The following MYLK variants were observed in gnomAD, a reference collection of about 807,000 sequenced individuals.
The protein encoded by MYLK is myosin light chain kinase.
A neutral mutation model predicts 203.4 loss-of-function variants in MYLK; 106 were observed. The observed-to-expected ratio is 0.52, with a 90% CI of 0.45 to 0.61. The LOEUF is 0.61. Ranked by LOEUF, MYLK falls within the 20% of genes least tolerant of loss-of-function variation. The pLI, the probability that MYLK is intolerant of heterozygous loss-of-function variation, is 0.00. For missense variants in MYLK, 2,072 were observed against 2,442.3 expected (o/e 0.85, Z 3.20); for synonymous variants, 867 against 959.5 (o/e 0.90, Z 1.78).
intron 3 of MYLK, among the ~76,000 whole-genome samples, chr3:123,827,837 C>A (rs1385325473): frequency 6.9e-6 from 1 of 145,702 alleles, no homozygotes; most frequent in African/African-American, 2.5e-5. Flanking sequence ...AGTAGCATTT[C>A]TACACACAAG....
At chr3:123,833,733 T>C (rs555680474) in intron 2 of MYLK, among the ~76,000 whole-genome samples, 171 of 152,252 alleles carry the variant, frequency 1.1e-3, no homozygotes, top group Non-Finnish European at 2.2e-3. Flanking sequence ...TAAAAGCTGA[T>C]AATATGGGTG....
chr3:123,819,509 CTG>C (rs1015121163), intron 3 of MYLK, among the ~76,000 whole-genome samples: 1 of 152,204 alleles, frequency 6.6e-6, no homozygotes, highest in Non-Finnish European at 1.5e-5. Context: ...AGGTATGAAA[CTG>C]TGGCAGGTTA....
chr3:123,718,364 T>C (rs2061976018), intron 13 of MYLK, among the ~76,000 whole-genome samples: 2 of 152,206 alleles, frequency 1.3e-5, no homozygotes, highest in African/African-American at 4.8e-5. Flanking sequence ...GATCCCTCCC[T>C]GCAGGGAGCT....
At chr3:123,693,413 T>C (rs556710834) in intron 18 of MYLK, 4 of 120,074 alleles carry the variant, frequency 3.3e-5, no homozygotes, top group African/African-American at 6.6e-5. Context: ...GGAAGATCTG[T>C]TGGGAGGTGG....
At position 123,884,325 on chromosome 3, in the gene MYLK, G is replaced by A. The variant is rs1224248018; in HGVS notation, c.-305C>T. On this transcript the variant is annotated 5_prime_UTR_variant, in exon 1 of 34. Transcript: ENST00000360304. ...GCCCTGCTGCCGACCGGGCGGCGCGGGGAGCCCGCGAGGCGCGTCCGGGAC... is the reference window on the plus strand; with the variant it reads ...GCCCTGCTGCCGACCGGGCGGCGCGAGGAGCCCGCGAGGCGCGTCCGGGAC... The A allele has an allele frequency of 7.2e-6, 1 of 138,704 alleles. No individual in the cohort carries two copies. The allele number at this position is 138,704 out of a possible 1,614,324, so 8.6% of individuals were successfully genotyped here. A position where few individuals can be genotyped will look rare whatever the true frequency, so the allele number is the denominator to read the frequency against.
chr3:123,682,086 G>C (rs2060284822), intron 20 of MYLK, 138 bp downstream of exon 20: 2 of 728,180 alleles, frequency 2.7e-6, no homozygotes, highest in Admixed American at 4.0e-5. Flanking sequence ...GCACTTCAGG[G>C]TGTGGGCAGA....
chr3:123,769,098 T>G (rs1037421055), intron 4 of MYLK, among the ~76,000 whole-genome samples: 14 of 151,666 alleles, frequency 9.2e-5, no homozygotes, highest in Non-Finnish European at 1.9e-4. Context: ...CCAGACAATC[T>G]GAGACAACTA....
chr3:123,843,408 C>T (rs2066639363), intron 2 of MYLK, among the ~76,000 whole-genome samples: 1 of 152,076 alleles, frequency 6.6e-6, no homozygotes, highest in African/African-American at 2.4e-5. Context: ...AATGAACATC[C>T]AGGTCTAAGA....
chr3:123,828,411 A>G (rs2066208207), intron 3 of MYLK, among the ~76,000 whole-genome samples: 1 of 152,096 alleles, frequency 6.6e-6, no homozygotes. Context: ...ATGCAGAAGA[A>G]TAAGACTAGA....
At chr3:123,844,977 C>A (rs2066680551) in intron 2 of MYLK, among the ~76,000 whole-genome samples, 1 of 152,012 alleles carries the variant, frequency 6.6e-6, no homozygotes, top group Admixed American at 6.6e-5. Flanking sequence ...CAGTAGCTGG[C>A]ACTGCAGGCA....
intron 23 of MYLK, among the ~76,000 whole-genome samples, chr3:123,658,079 T>C (rs2059446651): frequency 6.6e-6 from 1 of 152,260 alleles, no homozygotes; most frequent in South Asian, 2.1e-4. Context: ...TTGTAAGAAA[T>C]TCTTAGAAGA....
At chr3:123,714,205 A>C (rs145464338) in intron 13 of MYLK, among the ~76,000 whole-genome samples, 16 of 152,330 alleles carry the variant, frequency 1.1e-4, no homozygotes, top group African/African-American at 3.6e-4. Context: ...GCTGAGACTC[A>C]GAGAAAGAAG....
intron 4 of MYLK, among the ~76,000 whole-genome samples, chr3:123,764,908 A>G (rs1267037811): frequency 6.6e-6 from 1 of 152,112 alleles, no homozygotes; most frequent in South Asian, 2.1e-4. Context: ...AACTCAGCCA[A>G]CCATCTATTC....
chr3:123,767,850 A>G (rs1475785914), intron 4 of MYLK, among the ~76,000 whole-genome samples: 1 of 152,164 alleles, frequency 6.6e-6, no homozygotes, highest in African/African-American at 2.4e-5. Flanking sequence ...GTGGCCCTTG[A>G]GAAGATGACT....
At chr3:123,753,630 C>G (rs757595519) in intron 4 of MYLK, among the ~76,000 whole-genome samples, 10 of 152,100 alleles carry the variant, frequency 6.6e-5, no homozygotes, top group Non-Finnish European at 1.2e-4. Flanking sequence ...AAAGAATTCA[C>G]TTTGAGTTTT....
chr3:123,643,746 C>T (rs1324180936), intron 27 of MYLK, among the ~76,000 whole-genome samples: 1 of 152,238 alleles, frequency 6.6e-6, no homozygotes, highest in African/African-American at 2.4e-5. Flanking sequence ...TCCCCCAAAC[C>T]CTAGACCTTG....
At chr3:123,739,434 A>G (rs1035710658) in intron 6 of MYLK, among the ~76,000 whole-genome samples, 1 of 152,144 alleles carries the variant, frequency 6.6e-6, no homozygotes, top group Non-Finnish European at 1.5e-5. Flanking sequence ...TCTCTCGTCC[A>G]CTCTGCTGGT....
At chr3:123,791,336 C>T (rs2109090375) in intron 4 of MYLK, among the ~76,000 whole-genome samples, 1 of 152,378 alleles carries the variant, frequency 6.6e-6, no homozygotes, top group East Asian at 1.9e-4. Flanking sequence ...TTTGAGGTCA[C>T]CAGGTCAGAA....
At chr3:123,678,521 G>A (rs376639570) in intron 20 of MYLK, among the ~76,000 whole-genome samples, 13 of 151,932 alleles carry the variant, frequency 8.6e-5, no homozygotes, top group Non-Finnish European at 1.8e-4. Context: ...TCAGCAGGGA[G>A]GGGGGTGTGC....
Sources: gnomAD v4.1 joint callset for allele counts (sites outside exome capture counted in the v4.1 genomes callset) on GRCh38, gnomAD v4.1.1 for gene constraint, MANE v1.5 for transcripts, NCBI Gene and HGNC (gene_info 2026-07-23, HGNC 2026-07-21) for gene names.